Variants in CYP26C1 observed in about 807,000 individuals in gnomAD.
CYP26C1 encodes cytochrome P450 family 26 subfamily C member 1, also known as cytochrome P450 26C1.
Under a neutral mutation model 39.1 loss-of-function variants are expected in CYP26C1, and 41 were observed. The observed-to-expected ratio is 1.05, with a 90% CI of 0.82 to 1.36. CYP26C1 has a LOEUF of 1.36. Among genes scored for constraint, CYP26C1 ranks in the 40% most tolerant of loss-of-function variants. CYP26C1 has a pLI of 0.00. For synonymous variants in CYP26C1, 362 were observed against 350.8 expected (o/e 1.03, Z -0.36); for missense variants, 833 against 752.0 (o/e 1.11, Z -1.26).
At chr10:93,063,845 C>G in intron 3 of CYP26C1, 3 of 985,870 alleles carry the variant, frequency 3.0e-6, no homozygotes, top group Non-Finnish European at 3.6e-6. Context: ...TGCTGAATTA[C>G]AGTGCTTTCC....
At position 93,062,952 on chromosome 10, in the gene CYP26C1, T is replaced by C; in HGVS notation, c.662T>C (p.Leu221Pro). The C allele has an allele frequency of 6.2e-7, 1 of 1,601,394 alleles. No homozygotes were observed. The highest frequency in any genetic ancestry group is 8.5e-7 in the Non-Finnish European group (1 of 1,177,034). The part of the protein sequence containing the change: ...ARTFEQLVEN[L>P]FSLPLDVPFS... ...ACCTTCGAGCAGCTCGTGGAGAACC[T>C]CTTCTCACTGCCTCTGGACGTTCCC... Residue 221 changes from leucine (L) to proline (P), a missense_variant, in exon 3 of 6, where the codon CTC becomes CCC. Physicochemically the swap from Leu to Pro is moderately conservative, Grantham distance 98. Transcript: ENST00000651965.
In CYP26C1 at chr10:93,062,767, G is replaced by T. The variant is rs1290683449; in HGVS notation, c.477G>T (p.Pro159=). The T allele has an allele frequency of 1.3e-6, 2 of 1,506,806 alleles. No individual in the cohort carries two copies. The highest frequency in any genetic ancestry group is 1.8e-6 in the Non-Finnish European group (2 of 1,135,688). The allele number at this position is 1,506,806 out of a possible 1,614,324, so 93.3% of individuals were successfully genotyped here. ...FSRAALERYV[P]RLQGALRHEV... ...GCGCCGCGCTGGAGCGCTACGTGCC[G>T]CGCCTGCAGGGGGCGCTGCGGCATG... The change falls in exon 3 of 6, where the codon CCG becomes CCT. Residue 159 remains proline (P), a synonymous_variant. Transcript: ENST00000651965.
At position 93,063,140 on chromosome 10, in the gene CYP26C1, TGTGGCGGTGGC is replaced by T. The variant is rs997995784; in HGVS notation, c.705+156_705+166del. The T allele has an allele frequency of 5.0e-6, 7 of 1,401,778 alleles. No homozygotes were observed. In the South Asian group the frequency reaches 9.7e-5, roughly 19 times the overall value. The allele number at this position is 1,401,778 out of a possible 1,614,324, so 86.8% of individuals were successfully genotyped here. ...GGCAGGGCCCGGGGGTGGGAGGCGT[TGTGGCGGTGGC>T]GTGGCGGTGGGCTCTGGGCCTGGCC... On this transcript the variant is annotated intron_variant, in intron 3 of 5. Coordinates refer to ENST00000651965, the MANE Select transcript of CYP26C1 (RefSeq NM_183374.3).
At chr10:93,066,515 C>A (rs1846831594) in intron 5 of CYP26C1, among the ~76,000 whole-genome samples, 1 of 152,246 alleles carries the variant, frequency 6.6e-6, no homozygotes, top group Non-Finnish European at 1.5e-5. Context: ...GGCGAGACTG[C>A]AAGGTTAGGG....
At position 93,068,896 on chromosome 10, in the gene CYP26C1, G is replaced by A; in HGVS notation, c.*199G>A. ...GAGCCACCGCTGCCGCGCCAGAGAAGCATCTAAGCCCATGGGAAGATGCCT... is the reference window on the plus strand; with the variant it reads ...GAGCCACCGCTGCCGCGCCAGAGAAACATCTAAGCCCATGGGAAGATGCCT... On this transcript the variant is annotated 3_prime_UTR_variant, in exon 6 of 6. Transcript: ENST00000651965. 1 of 957,336 alleles carries A rather than the reference G, an allele frequency of 1.0e-6. No homozygotes were observed. Among genetic ancestry groups the A allele is most frequent in the Non-Finnish European group, 1.5e-6 (1 of 688,722 alleles). 59.3% of individuals were successfully genotyped at this position (957,336 alleles called of 1,614,324 possible). A position where few individuals can be genotyped will look rare whatever the true frequency, so the allele number is the denominator to read the frequency against.
At chr10:93,066,403 G>T in intron 5 of CYP26C1, 118 bp downstream of exon 5, 1 of 1,026,224 alleles carries the variant, frequency 9.7e-7, no homozygotes, top group East Asian at 3.4e-5. Context: ...TTCGGACGGC[G>T]CGGTCACCTC....
rs556190004 is a variant in CYP26C1, at chr10:93,060,820, G to C, written c.-444G>C. 1.5e-5 allele frequency: 3 copies of C among 201,336 alleles called. No homozygotes were observed. In the Admixed American group the frequency reaches 1.8e-4, roughly 12 times the overall value. The allele number at this position is 201,336 out of a possible 1,614,324, so 12.5% of individuals were successfully genotyped here. ...AGAAGGGTTAAACGACTGGAGGAGGGACAGGTGGGGCGGGGGTCTGCAGAC... is the reference window on the plus strand; with the variant it reads ...AGAAGGGTTAAACGACTGGAGGAGGCACAGGTGGGGCGGGGGTCTGCAGAC... On this transcript the variant is annotated 5_prime_UTR_variant, in exon 1 of 6. Coordinates refer to ENST00000651965, the MANE Select transcript of CYP26C1 (RefSeq NM_183374.3).
In CYP26C1 at chr10:93,065,082, A is replaced by G. The variant is rs182958320; in HGVS notation, c.861+546A>G. Among the ~76,000 whole-genome samples the G allele has an allele frequency of 3.6e-3, 553 of 152,266 alleles. 3 individuals carry two copies. Among genetic ancestry groups the G allele is most frequent in the Non-Finnish European group, 5.8e-3 (394 of 68,016 alleles). On this transcript the variant is annotated intron_variant, in intron 4 of 5. Coordinates refer to ENST00000651965, the MANE Select transcript of CYP26C1 (RefSeq NM_183374.3). ...CCCTCCCCTTGTACACACATCGCAC[A>G]TACAGTGGAGGGGAGGTGGTAAGCT...
At position 93,068,492 on chromosome 10, in the gene CYP26C1, G is replaced by GT; in HGVS notation, c.1365dup (p.Ala456CysfsTer137). Reference sequence around the variant, plus strand: ...TTCCATTACATCCCGTTCGGCGGCGGTGCGCGCAGCTGCCTCGGCCAGGAG... The same window carrying GT: ...TTCCATTACATCCCGTTCGGCGGCGGTTGCGCGCAGCTGCCTCGGCCAGGAG... On this transcript the variant is annotated frameshift_variant, in exon 6 of 6. Transcript: ENST00000651965. LOFTEE classifies it high-confidence loss of function. The GT allele has an allele frequency of 1.2e-6, 2 of 1,608,458 alleles. No homozygotes were observed. The highest frequency in any genetic ancestry group is 1.7e-6 in the Non-Finnish European group (2 of 1,177,976).
rs1181328788 is a variant in CYP26C1, at chr10:93,068,325, C to T, written c.1197C>T (p.Tyr399=). Residue 399 remains tyrosine, a synonymous_variant, in exon 6 of 6, where the codon TAC becomes TAT. Coordinates refer to ENST00000651965, the MANE Select transcript of CYP26C1 (RefSeq NM_183374.3). ...ATCTCCTCGCCTCTCTGCAGGGCTACCAGATCCCCAAGGGCTGGAGCGTGA... is the reference window on the plus strand; with the variant it reads ...ATCTCCTCGCCTCTCTGCAGGGCTATCAGATCCCCAAGGGCTGGAGCGTGA... The part of the protein sequence containing the change: ...TALRTFELDG[Y]QIPKGWSVMY... 1 of 1,515,962 alleles carries T rather than the reference C, an allele frequency of 6.6e-7. No homozygotes were observed. The allele number at this position is 1,515,962 out of a possible 1,614,324, so 93.9% of individuals were successfully genotyped here.
intron 5 of CYP26C1, among the ~76,000 whole-genome samples, chr10:93,067,860 G>T (rs1183828524): frequency 6.6e-6 from 1 of 152,154 alleles, no homozygotes; most frequent in Non-Finnish European, 1.5e-5. Context: ...ATGCAAAGAA[G>T]AGCTCTACCA....
At position 93,062,810 on chromosome 10, in the gene CYP26C1, G is replaced by A. The variant is rs1426984843; in HGVS notation, c.520G>A (p.Ala174Thr). 1.3e-6 allele frequency: 2 copies of A among 1,554,606 alleles called. No homozygotes were observed. The highest frequency in any genetic ancestry group is 1.7e-6 in the Non-Finnish European group (2 of 1,156,876). ...GCGGCATGAGGTGCGCTCCTGGTGC[G>A]CGGCGGGCGGGCCGGTCTCAGTCTA... ...ALRHEVRSWC[A>T]AGGPVSVYDA... is the part of the protein sequence containing the mutation. Residue 174 changes from alanine (A) to threonine (T), a missense_variant, in exon 3 of 6, where the codon GCG becomes ACG. By Grantham distance (58) the Ala-to-Thr change is moderately conservative. Coordinates refer to ENST00000651965, the MANE Select transcript of CYP26C1 (RefSeq NM_183374.3).
chr10:93,066,287 T>G lies in CYP26C1; in HGVS notation c.1191+2T>G. The G allele has an allele frequency of 7.3e-7, 1 of 1,370,570 alleles. No individual in the cohort carries two copies. Among genetic ancestry groups the G allele is most frequent in the Non-Finnish European group, 9.4e-7 (1 of 1,060,842 alleles). 84.9% of individuals were successfully genotyped at this position (1,370,570 alleles called of 1,614,324 possible). On this transcript the variant is annotated splice_donor_variant, in intron 5 of 5. Transcript: ENST00000651965. LOFTEE classifies it high-confidence loss of function. ...GCCCTGCGCACCTTCGAGCTCGACG[T>G]AAGTGCGCCGTGCCAGCCCATGGCC...
Position 93,061,399 on chromosome 10 carries a change from A to C in CYP26C1, c.136A>C (p.Thr46Pro). Reference sequence around the variant, plus strand: ...GATGCTGAGCCGGGACCGGGCCTCCACCCTGCCTCTGCCCAAGGGCTCCAT... The same window carrying C: ...GATGCTGAGCCGGGACCGGGCCTCCCCCCTGCCTCTGCCCAAGGGCTCCAT... ...RWMLSRDRAS[T>P]LPLPKGSMGW... The change falls in exon 1 of 6, where the codon ACC becomes CCC. Residue 46 changes from threonine to proline, a missense_variant. Coordinates refer to ENST00000651965, the MANE Select transcript of CYP26C1 (RefSeq NM_183374.3). 1 of 1,560,268 alleles carries C rather than the reference A, an allele frequency of 6.4e-7. No individual in the cohort carries two copies.
rs1464878252 is a variant in CYP26C1 at position 93,065,949 on chromosome 10, C to G, written c.862-7C>G. ...GAGACTCAGTGCAGCCCGGGGCTGT[C>G]TTGCAGGAGTCGGCTGTGGAGCTCC... On this transcript the variant is annotated splice_polypyrimidine_tract_variant and splice_region_variant and intron_variant, in intron 4 of 5. Coordinates refer to ENST00000651965, the MANE Select transcript of CYP26C1 (RefSeq NM_183374.3). 2 of 1,577,932 alleles carry G rather than the reference C, an allele frequency of 1.3e-6. No individual in the cohort carries two copies. Among genetic ancestry groups the G allele is most frequent in the Non-Finnish European group, 1.7e-6 (2 of 1,164,324 alleles).
chr10:93,062,116 C>A lies in CYP26C1; in HGVS notation c.311C>A (p.Thr104Asn), dbSNP rs1474628567. ...GTGAGCGGCGCGGAGAACGTGCGCA[C>A]CATCCTGCTGGGCGAGCACCGCCTG... ...IRVSGAENVR[T>N]ILLGEHRLVR... is the part of the protein sequence containing the mutation. The change falls in exon 2 of 6, where the codon ACC becomes AAC. Residue 104 changes from threonine to asparagine, a missense_variant. By Grantham distance (65) the Thr-to-Asn change is moderately conservative. Transcript: ENST00000651965. 1.3e-6 allele frequency: 2 copies of A among 1,557,862 alleles called. No homozygotes were observed. The highest frequency in any genetic ancestry group is 1.2e-5 in the South Asian group (1 of 84,688).
intron 1 of CYP26C1, among the ~76,000 whole-genome samples, chr10:93,061,691 C>T (rs1161543365): frequency 6.6e-6 from 1 of 152,128 alleles, no homozygotes; most frequent in Non-Finnish European, 1.5e-5. Flanking sequence ...AGACACAACG[C>T]AGGGGGTAAA....
At position 93,066,014 on chromosome 10, in the gene CYP26C1, C is replaced by T. The variant is rs543073425; in HGVS notation, c.920C>T (p.Ser307Leu). The change falls in exon 5 of 6, where the codon TCG (serine) becomes TTG (leucine). Residue 307 changes from serine to leucine, a missense_variant. Ser to Leu is a moderately radical substitution (Grantham distance 145). Coordinates refer to ENST00000651965, the MANE Select transcript of CYP26C1 (RefSeq NM_183374.3). ...TTCACCACGGCCAGTGCCAGCACCT[C>T]GCTCGTCCTGCTGCTACTGCAGCAT... ...AFFTTASAST[S>L]LVLLLLQHPA... The T allele has an allele frequency of 2.5e-6, 4 of 1,576,538 alleles. No individual in the cohort carries two copies. Among genetic ancestry groups the T allele is most frequent in the South Asian group, 2.3e-5 (2 of 87,988 alleles).
chr10:93,064,089 G>A, intron 3 of CYP26C1: 2 of 1,192,574 alleles, frequency 1.7e-6, no homozygotes, highest in Non-Finnish European at 2.1e-6. Context: ...GTGTGACTCT[G>A]GGCAATTGCT....
Sources: gnomAD v4.1 joint callset for allele counts (sites outside exome capture counted in the v4.1 genomes callset) on GRCh38, gnomAD v4.1.1 for gene constraint, MANE v1.5 for transcripts, NCBI Gene and HGNC (gene_info 2026-07-23, HGNC 2026-07-21) for gene names.